The following CXXC4 variants were observed in gnomAD, a reference collection of about 807,000 sequenced individuals.
CXXC4 encodes CXXC finger protein 4.
CXXC4 carries 5 observed loss-of-function variants against 20.5 expected under a neutral mutation model. The observed-to-expected ratio is 0.24, with a 90% CI of 0.13 to 0.51. CXXC4 has a LOEUF of 0.51. Ranked by LOEUF, CXXC4 falls within the 20% of genes least tolerant of loss-of-function variation. CXXC4 has a pLI of 0.97. For missense variants in CXXC4, 419 were observed against 496.4 expected, an observed-to-expected ratio of 0.84 and a Z score of 1.48; for synonymous variants, 250 against 216.4, an observed-to-expected ratio of 1.16 and a Z score of -1.36.
At chr4:104,475,580 G>A (rs1329113897) in intron 2 of CXXC4, among the ~76,000 whole-genome samples, 1 of 152,264 alleles carries the variant, frequency 6.6e-6, no homozygotes, top group South Asian at 2.1e-4. Flanking sequence ...GTACTAATTT[G>A]AGGACACATA....
At position 104,472,173 on chromosome 4, in the gene CXXC4, T is replaced by A. The variant is rs1184488711; in HGVS notation, c.*149A>T. 2 of 72,078 alleles carry A rather than the reference T, an allele frequency of 2.8e-5. No homozygotes were observed. The highest frequency in any genetic ancestry group is 2.0e-4 in the East Asian group (1 of 4,914). The allele number at this position is 72,078 out of a possible 1,614,324, so 4.5% of individuals were successfully genotyped here. On this transcript the variant is annotated 3_prime_UTR_variant, in exon 3 of 3. Transcript: ENST00000394767. ...TATGTCTTTTTCTTTTCTTTTCCTC[T>A]TTTTTTTTTTTTTTGAAGAAAGCCC...
chr4:104,493,871 T>C (rs747373365), intron 1 of CXXC4, among the ~76,000 whole-genome samples: 1 of 152,254 alleles, frequency 6.6e-6, no homozygotes, highest in Non-Finnish European at 1.5e-5. Flanking sequence ...AAACTAGTTA[T>C]GTCAACCATG....
intron 2 of CXXC4, among the ~76,000 whole-genome samples, chr4:104,473,726 C>T (rs561638680): frequency 1.3e-5 from 2 of 151,912 alleles, no homozygotes; most frequent in South Asian, 4.1e-4. Flanking sequence ...AATATATTTA[C>T]TAGGTAAACA....
intron 2 of CXXC4, among the ~76,000 whole-genome samples, chr4:104,490,301 G>C (rs1560543793): frequency 6.6e-6 from 1 of 152,118 alleles, no homozygotes; most frequent in East Asian, 1.9e-4. Flanking sequence ...ATGAGAACAG[G>C]CTTGTGTACC....
Position 104,469,002 on chromosome 4 carries a change from A to G in CXXC4, c.*3320T>C, listed in dbSNP as rs1736193029. 1 of 152,092 alleles carries G rather than the reference A, an allele frequency of 6.6e-6. No individual in the cohort carries two copies. The highest frequency in any genetic ancestry group is 2.1e-4 in the South Asian group (1 of 4,834). 9.4% of individuals were successfully genotyped at this position (152,092 alleles called of 1,614,324 possible). On this transcript the variant is annotated 3_prime_UTR_variant, in exon 3 of 3. Coordinates refer to ENST00000394767, the MANE Select transcript of CXXC4 (RefSeq NM_025212.4). ...AATATTAATTCATAATAAGTGCACC[A>G]TCTCTTGCTCCTTATAAATGTGTTT... is the stretch of plus-strand genomic sequence containing the variant.
rs1023821207 is a variant in CXXC4, at chr4:104,490,675, T to C, written c.1059+69A>G. On this transcript the variant is annotated intron_variant, in intron 2 of 2. Coordinates refer to ENST00000394767, the MANE Select transcript of CXXC4 (RefSeq NM_025212.4). ...ACTGCATCTTGAAGCCAGACAAGAA[T>C]CCCTGAAGGGGAGAGGGAGTGAGGA... is the stretch of plus-strand genomic sequence containing the variant. 12 of 1,342,236 alleles carry C rather than the reference T, an allele frequency of 8.9e-6. No homozygotes were observed. In the African/African-American group the frequency reaches 1.6e-4, roughly 18 times the overall value. The allele number at this position is 1,342,236 out of a possible 1,614,324, so 83.1% of individuals were successfully genotyped here. A position where few individuals can be genotyped will look rare whatever the true frequency, so the allele number is the denominator to read the frequency against.
chr4:104,486,261 T>TTACTGTGGG (rs1736691531), intron 2 of CXXC4, among the ~76,000 whole-genome samples: 1 of 152,102 alleles, frequency 6.6e-6, no homozygotes, highest in Admixed American at 6.6e-5. Context: ...TTACATGTAT[T>TTACTGTGGG]TACTGTGGGT....
intron 1 of CXXC4, among the ~76,000 whole-genome samples, chr4:104,493,262 T>C (rs1736950759): frequency 6.6e-6 from 1 of 152,170 alleles, no homozygotes; most frequent in African/African-American, 2.4e-5. Flanking sequence ...AGCAAAGGCA[T>C]AAAGTGTATA....
intron 2 of CXXC4, among the ~76,000 whole-genome samples, chr4:104,478,954 A>G (rs1736488137): frequency 6.6e-6 from 1 of 152,074 alleles, no homozygotes; most frequent in African/African-American, 2.4e-5. Context: ...GTATAAATAT[A>G]TATGGTTATA....
At chr4:104,493,433 T>A (rs1736956072) in intron 1 of CXXC4, among the ~76,000 whole-genome samples, 1 of 152,136 alleles carries the variant, frequency 6.6e-6, no homozygotes, top group African/African-American at 2.4e-5. Context: ...TTCAAAATGG[T>A]TATCAATTAT....
chr4:104,492,594 C>T (rs1250241155), intron 1 of CXXC4, among the ~76,000 whole-genome samples: 1 of 152,106 alleles, frequency 6.6e-6, no homozygotes, highest in African/African-American at 2.4e-5. Context: ...TGTAAGCAAA[C>T]ACAATACAAC....
At chr4:104,487,688 T>C (rs1736733338) in intron 2 of CXXC4, among the ~76,000 whole-genome samples, 1 of 152,140 alleles carries the variant, frequency 6.6e-6, no homozygotes, top group South Asian at 2.1e-4. Context: ...TTTGAACAAT[T>C]AGTGGCTATT....
chr4:104,488,222 C>A (rs1287020899), intron 2 of CXXC4, among the ~76,000 whole-genome samples: 1 of 152,204 alleles, frequency 6.6e-6, no homozygotes, highest in East Asian at 1.9e-4. Context: ...CCCATCCAAT[C>A]TCTAAAACAT....
In CXXC4 at chr4:104,472,351, T is replaced by C; in HGVS notation, c.1075A>G (p.Ser359Gly). 2.5e-6 allele frequency: 4 copies of C among 1,604,316 alleles called. No homozygotes were observed. The highest frequency in any genetic ancestry group is 2.2e-5 in the South Asian group (2 of 89,252). The part of the protein sequence containing the change: ...GTSLERTPVP[S>G]AEAFRWFF ...AAGAACCATCGGAATGCTTCAGCGC[T>C]GGGAACAGGTGTTCTCTATAAAAAA... The change falls in exon 3 of 3, where the codon AGC becomes GGC. Residue 359 changes from serine (S) to glycine (G), a missense_variant. Transcript: ENST00000394767.
chr4:104,485,751 A>G (rs1736672678), intron 2 of CXXC4, among the ~76,000 whole-genome samples: 1 of 152,086 alleles, frequency 6.6e-6, no homozygotes, highest in Non-Finnish European at 1.5e-5. Flanking sequence ...GCAAATATGG[A>G]TCAAATGCCT....
Position 104,490,708 on chromosome 4 carries a change from G to C in CXXC4, c.1059+36C>G, listed in dbSNP as rs770111511. The C allele has an allele frequency of 5.2e-6, 8 of 1,548,110 alleles. No homozygotes were observed. In the African/African-American group the frequency reaches 6.8e-5, roughly 13 times the overall value. ...GGGGAGAGGGAGTGAGGAGGGAAGG[G>C]GGGAGACTGGGAAACAAGAAATCAT... On this transcript the variant is annotated intron_variant, in intron 2 of 2. Transcript: ENST00000394767.
At chr4:104,480,432 A>T (rs1553913285) in intron 2 of CXXC4, among the ~76,000 whole-genome samples, 1 of 152,166 alleles carries the variant, frequency 6.6e-6, no homozygotes, top group South Asian at 2.1e-4. Context: ...TCAGTTCATT[A>T]TAGGGGTTGG....
chr4:104,472,224 G>C lies in CXXC4; in HGVS notation c.*98C>G, dbSNP rs748325838. ...TATACATAAAATGAAAATAATTTCT[G>C]GATATTTTCTTCAGTGGTGGACTAA... On this transcript the variant is annotated 3_prime_UTR_variant, in exon 3 of 3. Transcript: ENST00000394767. 3.4e-6 allele frequency: 2 copies of C among 584,690 alleles called. No individual in the cohort carries two copies. The highest frequency in any genetic ancestry group is 5.7e-6 in the Non-Finnish European group (2 of 351,172). The allele number at this position is 584,690 out of a possible 1,614,324, so 36.2% of individuals were successfully genotyped here. A position where few individuals can be genotyped will look rare whatever the true frequency, so the allele number is the denominator to read the frequency against.
chr4:104,493,733 A>T (rs957133495), intron 1 of CXXC4, among the ~76,000 whole-genome samples: 1 of 152,154 alleles, frequency 6.6e-6, no homozygotes, highest in Admixed American at 6.5e-5. Context: ...GTGCCCCCAA[A>T]ATGCTCTTGG....
Sources: gnomAD v4.1 joint callset for allele counts (sites outside exome capture counted in the v4.1 genomes callset) on GRCh38, gnomAD v4.1.1 for gene constraint, MANE v1.5 for transcripts, NCBI Gene and HGNC (gene_info 2026-07-23, HGNC 2026-07-21) for gene names.